The following NDC1 variants were observed in gnomAD, a reference collection of about 807,000 sequenced individuals.
The protein encoded by NDC1 is NDC1 transmembrane nucleoporin, also known as nucleoporin NDC1.
Under a neutral mutation model 89.8 loss-of-function variants are expected in NDC1, and 24 were observed. That is an observed-to-expected ratio of 0.27 (90% confidence interval 0.19 to 0.38). The LOEUF (loss-of-function observed/expected upper bound fraction) is 0.38, where lower values mean the gene tolerates loss of function less well. Among genes scored for constraint, NDC1 ranks in the 10% least tolerant of loss-of-function variants. NDC1 has a pLI of 1.00. For missense variants in NDC1, 728 were observed against 797.6 expected (o/e 0.91, Z 1.05); for synonymous variants, 296 against 284.8 (o/e 1.04, Z -0.39).
chr1:53,832,154 A>G (rs1182006625), intron 3 of NDC1, among the ~76,000 whole-genome samples: 3 of 152,008 alleles, frequency 2.0e-5, no homozygotes, highest in Admixed American at 6.6e-5. Context: ...AAACTTTTCC[A>G]TCTTCCACAA....
intron 6 of NDC1, among the ~76,000 whole-genome samples, chr1:53,814,126 G>T (rs755576186): frequency 3.3e-5 from 5 of 152,250 alleles, no homozygotes; most frequent in Non-Finnish European, 7.4e-5. Context: ...GGCCAAGGCG[G>T]GTGGATCACG....
At chr1:53,808,007 A>G (rs971534798) in intron 7 of NDC1, among the ~76,000 whole-genome samples, 1 of 152,216 alleles carries the variant, frequency 6.6e-6, no homozygotes, top group East Asian at 1.9e-4. Context: ...TCGGGGCTAC[A>G]GTTTCCTGTG....
At chr1:53,797,365 GTCTC>G (rs773651478) in intron 11 of NDC1, among the ~76,000 whole-genome samples, 1 of 141,834 alleles carries the variant, frequency 7.1e-6, no homozygotes, top group Non-Finnish European at 1.5e-5. Context: ...GATCGATATA[GTCTC>G]TCTTTTTCCC....
chr1:53,775,652 C>T (rs1431496230), intron 16 of NDC1, among the ~76,000 whole-genome samples: 2 of 152,070 alleles, frequency 1.3e-5, no homozygotes, highest in Non-Finnish European at 2.9e-5. Flanking sequence ...GCCTTCTTAT[C>T]TTTGTATACA....
chr1:53,801,391 C>G (rs1647911242), intron 10 of NDC1, among the ~76,000 whole-genome samples: 1 of 152,186 alleles, frequency 6.6e-6, no homozygotes, highest in Non-Finnish European at 1.5e-5. Flanking sequence ...AATGATCACA[C>G]TTTACACTCA....
intron 2 of NDC1, among the ~76,000 whole-genome samples, chr1:53,835,252 T>A (rs1456358890): frequency 6.6e-6 from 1 of 152,152 alleles, no homozygotes; most frequent in African/African-American, 2.4e-5. Context: ...AAGTTTTCAT[T>A]TATGGGGTCT....
intron 3 of NDC1, among the ~76,000 whole-genome samples, chr1:53,832,241 T>C (rs1406563552): frequency 6.6e-6 from 1 of 152,168 alleles, no homozygotes; most frequent in African/African-American, 2.4e-5. Context: ...TCTTTCTCTA[T>C]GAATTTGAGT....
In NDC1 at chr1:53,766,199, C is replaced by G. The variant is rs1457069262; in HGVS notation, c.*1771G>C. The G allele has an allele frequency of 6.6e-6, 1 of 152,114 alleles. No individual in the cohort carries two copies. Among genetic ancestry groups the G allele is most frequent in the African/African-American group, 2.4e-5 (1 of 41,412 alleles). 9.4% of individuals were successfully genotyped at this position (152,114 alleles called of 1,614,324 possible). A position where few individuals can be genotyped will look rare whatever the true frequency, so the allele number is the denominator to read the frequency against. On this transcript the variant is annotated 3_prime_UTR_variant, in exon 18 of 18. Coordinates refer to ENST00000371429, the MANE Select transcript of NDC1 (RefSeq NM_018087.5). Reference sequence around the variant, plus strand: ...ACCTAACCTAGCTGGACATTTTATACAAGTAAGTCAAAGTTCAAAGGAATC... The same window carrying G: ...ACCTAACCTAGCTGGACATTTTATAGAAGTAAGTCAAAGTTCAAAGGAATC...
chr1:53,808,434 G>T (rs1033840205), intron 7 of NDC1, among the ~76,000 whole-genome samples: 1 of 152,194 alleles, frequency 6.6e-6, no homozygotes, highest in African/African-American at 2.4e-5. Flanking sequence ...CCCACCAGCG[G>T]TTTCCTCATC....
At chr1:53,811,979 G>A (rs774964691) in intron 6 of NDC1, among the ~76,000 whole-genome samples, 9 of 152,156 alleles carry the variant, frequency 5.9e-5, no homozygotes, top group Non-Finnish European at 1.2e-4. Context: ...AGGCAGACTC[G>A]CTGGGTGGCT....
intron 13 of NDC1, among the ~76,000 whole-genome samples, chr1:53,795,569 A>C (rs1570184064): frequency 6.6e-6 from 1 of 152,140 alleles, no homozygotes; most frequent in Admixed American, 6.5e-5. Flanking sequence ...TCAGGCCAAA[A>C]ACCTTACCAG....
intron 16 of NDC1, among the ~76,000 whole-genome samples, chr1:53,783,725 C>T (rs779942491): frequency 2.4e-4 from 36 of 152,238 alleles, no homozygotes; most frequent in South Asian, 4.1e-4. Context: ...ACTGTGAGTT[C>T]GATCTCTTGC....
At chr1:53,793,368 T>A in intron 13 of NDC1, 89 bp from the exon 14 acceptor site, 1 of 1,084,690 alleles carries the variant, frequency 9.2e-7, no homozygotes, top group Non-Finnish European at 1.4e-6. Flanking sequence ...AGACAGTAAC[T>A]TAAATGAAAA....
At chr1:53,836,324 G>C (rs1649230295) in intron 1 of NDC1, among the ~76,000 whole-genome samples, 1 of 151,802 alleles carries the variant, frequency 6.6e-6, no homozygotes, top group Non-Finnish European at 1.5e-5. Flanking sequence ...AGGGTGGGCG[G>C]ATCACTTGAG....
intron 6 of NDC1, among the ~76,000 whole-genome samples, chr1:53,814,281 G>C (rs1172055362): frequency 1.3e-5 from 2 of 152,160 alleles, no homozygotes; most frequent in Non-Finnish European, 2.9e-5. Context: ...CGTGAACCCG[G>C]GAGGTGGAGC....
chr1:53,826,698 A>G (rs967807115), intron 4 of NDC1, among the ~76,000 whole-genome samples: 2 of 152,176 alleles, frequency 1.3e-5, no homozygotes, highest in African/African-American at 4.8e-5. Context: ...GATCTATGAG[A>G]TATCTGGGGG....
rs573184126 is a variant in NDC1, at chr1:53,778,136, C to T, written c.1801-5647G>A. Among the ~76,000 whole-genome samples the T allele has an allele frequency of 2.6e-4, 39 of 152,034 alleles. No homozygotes were observed. The South Asian group carries it at 4.1e-3, about 16-fold the overall frequency. On this transcript the variant is annotated intron_variant, in intron 16 of 17. Coordinates refer to ENST00000371429, the MANE Select transcript of NDC1 (RefSeq NM_018087.5). ...CACAGGCTATTTATAGTCTTCATCC[C>T]ACTTTACCCCACTTAATCTGAATAT...
intron 5 of NDC1, among the ~76,000 whole-genome samples, chr1:53,824,081 A>G (rs1218232469): frequency 1.3e-5 from 2 of 151,950 alleles, no homozygotes; most frequent in Non-Finnish European, 2.9e-5. Flanking sequence ...CAAAAAATAC[A>G]AAAGTAGCCA....
At chr1:53,803,078 G>A (rs1196188819) in intron 10 of NDC1, among the ~76,000 whole-genome samples, 3 of 151,874 alleles carry the variant, frequency 2.0e-5, no homozygotes. Flanking sequence ...TTTTGGGGTG[G>A]GGAGGGGGAC....
Sources: gnomAD v4.1 joint callset for allele counts (sites outside exome capture counted in the v4.1 genomes callset) on GRCh38, gnomAD v4.1.1 for gene constraint, MANE v1.5 for transcripts, NCBI Gene and HGNC (gene_info 2026-07-23, HGNC 2026-07-21) for gene names.